The following KCNQ1 variants were observed in gnomAD, a reference collection of about 807,000 sequenced individuals.
KCNQ1 encodes potassium voltage-gated channel subfamily KQT member 1.
Under a neutral mutation model 72.4 loss-of-function variants are expected in KCNQ1, and 49 were observed. The observed-to-expected ratio is 0.68, with a 90% CI of 0.54 to 0.86. The LOEUF (loss-of-function observed/expected upper bound fraction) is 0.86, where lower values mean the gene tolerates loss of function less well. Among genes scored for constraint, KCNQ1 ranks in the 40% least tolerant of loss-of-function variants. The pLI is 0.00. For missense variants in KCNQ1, 790 were observed against 945.1 expected (o/e 0.84, Z 2.15); for synonymous variants, 450 against 412.6 (o/e 1.09, Z -1.10).
chr11:2,445,209 G>C lies in KCNQ1; in HGVS notation c.111G>C (p.Ser37=), dbSNP rs750088311. ...SAGLAKKCPF[S]LELAEGGPAG... is the part of the protein sequence containing the mutation. ...GCCTGGCCAAGAAGTGCCCCTTCTC[G>C]CTGGAGCTGGCGGAGGGCGGCCCGG... Residue 37 remains serine (S), a synonymous_variant, in exon 1 of 16, where the codon TCG becomes TCC. Transcript: ENST00000155840. 1.8e-5 allele frequency: 20 copies of C among 1,142,396 alleles called. No individual in the cohort carries two copies. The South Asian group carries it at 5.2e-4, about 30-fold the overall frequency. 70.8% of individuals were successfully genotyped at this position (1,142,396 alleles called of 1,614,324 possible).
rs1847828703 is a variant in KCNQ1, at chr11:2,541,749, AGTT to A, written c.477+13732_477+13734del. Among the ~76,000 whole-genome samples the A allele has an allele frequency of 6.7e-6, 1 of 148,314 alleles. No individual in the cohort carries two copies. The highest frequency in any genetic ancestry group is 1.5e-5 in the Non-Finnish European group (1 of 67,310). ...GAGGACATCTGTTAGACCACTTAGG[AGTT>A]CTAGAACCTTTGGAAAACCCCCTCT... On this transcript the variant is annotated intron_variant, in intron 2 of 15. Transcript: ENST00000155840. The surrounding 1 kb of genome is among the most constrained non-coding windows in gnomAD (Gnocchi z 4.8).
At position 2,516,521 on chromosome 11, in the gene KCNQ1, C is replaced by A. The variant is rs2237869; in HGVS notation, c.387-11407C>A. Among the ~76,000 whole-genome samples, 29,344 of 152,010 alleles carry A rather than the reference C, an allele frequency of 0.19. 3,143 individuals are homozygous for A. Among genetic ancestry groups the A allele is most frequent in the East Asian group, 0.41 (2,116 of 5,152 alleles). The stretch of plus-strand genomic sequence containing the variant: ...CTTTGAGATGGACAGGGAGCTGGAC[C>A]TTCCCAATTCGGTTGCCCTTGCTTG... On this transcript the variant is annotated intron_variant, in intron 1 of 15. Coordinates refer to ENST00000155840, the MANE Select transcript of KCNQ1 (RefSeq NM_000218.3). This position sits in a 1 kb window ranked among gnomAD's most constrained non-coding sequence, Gnocchi z 7.0.
rs1421382150 is a variant in KCNQ1 at position 2,450,696 on chromosome 11, A to C, written c.386+5212A>C. ...CTCTCCAGCAGCTCCTCCAACCACC[A>C]TGAGAAACCCCAGACCTCACAGATG... On this transcript the variant is annotated intron_variant, in intron 1 of 15. Coordinates refer to ENST00000155840, the MANE Select transcript of KCNQ1 (RefSeq NM_000218.3). This position sits in a 1 kb window ranked among gnomAD's most constrained non-coding sequence, Gnocchi z 7.9. Among the ~76,000 whole-genome samples, 1 of 152,122 alleles carries C rather than the reference A, an allele frequency of 6.6e-6. No homozygotes were observed. Among genetic ancestry groups the C allele is most frequent in the East Asian group, 1.9e-4 (1 of 5,184 alleles).
intron 11 of KCNQ1, among the ~76,000 whole-genome samples, chr11:2,731,382 AGTCTGGCAC>A (rs1845856402): frequency 6.6e-6 from 1 of 152,214 alleles, no homozygotes; most frequent in African/African-American, 2.4e-5. Context: ...GGCCTTGGTG[AGTCTGGCAC>A]ATTCCGGCTG....
Position 2,498,813 on chromosome 11 carries a change from A to G in KCNQ1, c.387-29115A>G, listed in dbSNP as rs1846961644. Among the ~76,000 whole-genome samples the G allele has an allele frequency of 6.6e-6, 1 of 152,218 alleles. No homozygotes were observed. The highest frequency in any genetic ancestry group is 2.4e-5 in the African/African-American group (1 of 41,450). ...GCTTGAAACCCAGGGCCCTGGTGGTATAGGCACATGAAGGAGTCTCCTGAT... is the reference window on the plus strand; with the variant it reads ...GCTTGAAACCCAGGGCCCTGGTGGTGTAGGCACATGAAGGAGTCTCCTGAT... On this transcript the variant is annotated intron_variant, in intron 1 of 15. Transcript: ENST00000155840. This position sits in a 1 kb window ranked among gnomAD's most constrained non-coding sequence, Gnocchi z 4.8.
intron 15 of KCNQ1, among the ~76,000 whole-genome samples, chr11:2,795,766 C>T (rs1847116006): frequency 6.6e-6 from 1 of 152,226 alleles, no homozygotes; most frequent in East Asian, 1.9e-4. Context: ...CTTGGCGGGA[C>T]CCTGCCTTTC....
At chr11:2,812,186 G>C (rs1304885151) in intron 15 of KCNQ1, among the ~76,000 whole-genome samples, 1 of 152,158 alleles carries the variant, frequency 6.6e-6, no homozygotes, top group Non-Finnish European at 1.5e-5. Flanking sequence ...CTGTTTCAAG[G>C]AACAGAAACA....
At chr11:2,839,688 C>T (rs762500252) in intron 15 of KCNQ1, 2 of 152,232 alleles carry the variant, frequency 1.3e-5, no homozygotes, top group Non-Finnish European at 2.9e-5. Flanking sequence ...CCCCCACAGC[C>T]GTGGTGCGGA....
In KCNQ1 at chr11:2,654,631, A is replaced by C. The variant is rs1849810142; in HGVS notation, c.1394-7330A>C. On this transcript the variant is annotated intron_variant, in intron 10 of 15. Transcript: ENST00000155840. The surrounding 1 kb of genome is among the most constrained non-coding windows in gnomAD (Gnocchi z 6.4). ...TGAAGTTACTAGGAAGGGCCCAGAC[A>C]CTGGCGAGAGTCTCTTGAGGGCAGA... 2.5e-6 allele frequency: 1 copy of C among 398,792 alleles called. No homozygotes were observed. The highest frequency in any genetic ancestry group is 3.6e-5 in the East Asian group (1 of 28,068). The allele number at this position is 398,792 out of a possible 1,614,324, so 24.7% of individuals were successfully genotyped here.
At chr11:2,758,023 G>T (rs1346021232) in intron 11 of KCNQ1, among the ~76,000 whole-genome samples, 27 of 152,196 alleles carry the variant, frequency 1.8e-4, no homozygotes, top group Admixed American at 1.7e-3. Context: ...TCTCACATTG[G>T]ATGCTAAAAG....
At chr11:2,739,038 CT>C (rs1257848167) in intron 11 of KCNQ1, among the ~76,000 whole-genome samples, 1 of 152,182 alleles carries the variant, frequency 6.6e-6, no homozygotes, top group Non-Finnish European at 1.5e-5. Flanking sequence ...CACCATGCTG[CT>C]TTGAAAAAGG....
Position 2,661,544 on chromosome 11 carries a change from C to A in KCNQ1, c.1394-417C>A, listed in dbSNP as rs1264229033. 5.9e-6 allele frequency: 3 copies of A among 504,480 alleles called. No homozygotes were observed. Among genetic ancestry groups the A allele is most frequent in the African/African-American group, 5.7e-5 (3 of 52,490 alleles). 31.3% of individuals were successfully genotyped at this position (504,480 alleles called of 1,614,324 possible). ...ACCCCATCTTTCCTGACCCACTACT[C>A]TGTCAATGTATGAGTGTGACAATGT... is the stretch of plus-strand genomic sequence containing the variant. On this transcript the variant is annotated intron_variant, in intron 10 of 15. Transcript: ENST00000155840. This position sits in a 1 kb window ranked among gnomAD's most constrained non-coding sequence, Gnocchi z 5.9.
At chr11:2,648,981 C>CTTTTTTCTTTTTTTTTTTTTTT (rs1849710956) in intron 10 of KCNQ1, 1 of 213,300 alleles carries the variant, frequency 4.7e-6, no homozygotes, top group Non-Finnish European at 7.8e-6. Context: ...TTTTCTTTTT[C>CTTTTTTCTTTTTTTTTTTTTTT]TTTTTTTTTT....
intron 2 of KCNQ1, among the ~76,000 whole-genome samples, chr11:2,554,448 T>C (rs1289945757): frequency 6.6e-6 from 1 of 152,324 alleles, no homozygotes; most frequent in East Asian, 1.9e-4. Flanking sequence ...TGTGCTGACA[T>C]GTCATTCCTG....
At position 2,772,962 on chromosome 11, in the gene KCNQ1, A is replaced by T. The variant is rs994754361; in HGVS notation, c.1591-2998A>T. 6.6e-6 allele frequency among the ~76,000 whole-genome samples: 1 copy of T among 152,110 alleles called. No homozygotes were observed. Among genetic ancestry groups the T allele is most frequent in the Admixed American group, 6.5e-5 (1 of 15,272 alleles). ...CACCACCATGACTCATGCCATGTTCAATGTGTTCTGAAGAGAGGCTTCGGC... is the reference window on the plus strand; with the variant it reads ...CACCACCATGACTCATGCCATGTTCTATGTGTTCTGAAGAGAGGCTTCGGC... On this transcript the variant is annotated intron_variant, in intron 12 of 15. Coordinates refer to ENST00000155840, the MANE Select transcript of KCNQ1 (RefSeq NM_000218.3). This position sits in a 1 kb window ranked among gnomAD's most constrained non-coding sequence, Gnocchi z 6.6.
chr11:2,574,204 G>A (rs895134116), intron 6 of KCNQ1, among the ~76,000 whole-genome samples: 3 of 152,190 alleles, frequency 2.0e-5, no homozygotes, highest in South Asian at 2.1e-4. Context: ...GGCCACTAAG[G>A]CCCAGGGTGG....
intron 2 of KCNQ1, among the ~76,000 whole-genome samples, chr11:2,556,670 C>T (rs568896408): frequency 1.3e-5 from 2 of 152,320 alleles, no homozygotes; most frequent in East Asian, 3.9e-4. Context: ...TTTCTATACC[C>T]ACAGAGCCGT....
intron 10 of KCNQ1, chr11:2,633,887 A>T: frequency 2.5e-6 from 1 of 398,654 alleles, no homozygotes; most frequent in Non-Finnish European, 4.4e-6. Context: ...ATCTGTATAC[A>T]TAGTTTTCAC....
chr11:2,512,062 G>T (rs1019341917), intron 1 of KCNQ1, among the ~76,000 whole-genome samples: 4 of 152,220 alleles, frequency 2.6e-5, no homozygotes, highest in African/African-American at 9.6e-5. Flanking sequence ...TGTCGGGCTC[G>T]GCGTGCAAGA....
Sources: allele counts gnomAD v4.1 joint callset (sites outside exome capture counted in the v4.1 genomes callset), GRCh38; gene constraint gnomAD v4.1.1; non-coding constraint Gnocchi (gnomAD v3.1); transcripts MANE v1.5; gene names NCBI Gene and HGNC (gene_info 2026-07-23, HGNC 2026-07-21).